ATP9A: variants seen among roughly 807,000 people sequenced by gnomAD.
ATP9A encodes probable phospholipid-transporting ATPase IIA.
In ATP9A, 52 loss-of-function variants were observed where a neutral mutation model predicts 144.1. That is an observed-to-expected ratio of 0.36 (90% confidence interval 0.29 to 0.45). The LOEUF is 0.45. Among genes scored for constraint, ATP9A ranks in the 20% least tolerant of loss-of-function variants. The pLI is 1.00. For synonymous variants in ATP9A, 582 were observed against 557.4 expected (o/e 1.04, Z -0.62); for missense variants, 947 against 1,392.7 (o/e 0.68, Z 5.09).
intron 14 of ATP9A, among the ~76,000 whole-genome samples, chr20:51,641,994 C>T (rs949918698): frequency 7.1e-6 from 1 of 140,926 alleles, no homozygotes; most frequent in African/African-American, 2.6e-5. Flanking sequence ...GTGGGAGGGC[C>T]TTCCTTTTCT....
chr20:51,748,974 A>ACAG (rs2077820247), intron 1 of ATP9A, among the ~76,000 whole-genome samples: 1 of 62,084 alleles, frequency 1.6e-5, no homozygotes, highest in Non-Finnish European at 3.6e-5. Flanking sequence ...CAGACAGACA[A>ACAG]ATAAAATGGA....
intron 7 of ATP9A, among the ~76,000 whole-genome samples, 161 bp from the exon 8 acceptor site, chr20:51,690,980 G>GTT (rs899400300): frequency 1.2e-4 from 18 of 152,274 alleles, no homozygotes; most frequent in African/African-American, 4.3e-4. Context: ...CCTCTGTTAA[G>GTT]TAAGTTGAGG....
At chr20:51,669,717 C>T (rs2077447949) in intron 13 of ATP9A, among the ~76,000 whole-genome samples, 1 of 152,200 alleles carries the variant, frequency 6.6e-6, no homozygotes, top group Admixed American at 6.5e-5. Context: ...GGAAGGACCC[C>T]AAATGCAATT....
In ATP9A at chr20:51,658,894, G is replaced by T. The variant is rs61207763; in HGVS notation, c.1294-1744C>A. On this transcript the variant is annotated intron_variant, in intron 13 of 27. Transcript: ENST00000338821. ...TGAAAATTAAGACCACTGGCGGGGG[G>T]GGGGGGGGGAAGGCTCATTGTTGAA... Among the ~76,000 whole-genome samples the T allele has an allele frequency of 2.4e-4, 27 of 112,390 alleles. 5 individuals carry two copies. Among genetic ancestry groups the T allele is most frequent in the Non-Finnish European group, 2.1e-4 (11 of 51,912 alleles). 73.7% of individuals were successfully genotyped at this position (112,390 alleles called of 152,430 possible).
intron 22 of ATP9A, among the ~76,000 whole-genome samples, chr20:51,614,579 G>GC (rs2077195962): frequency 6.6e-6 from 1 of 152,244 alleles, no homozygotes; most frequent in Non-Finnish European, 1.5e-5. Context: ...GGGATTCCAG[G>GC]CATGAGCAGC....
chr20:51,736,584 G>A (rs955775021), intron 1 of ATP9A, among the ~76,000 whole-genome samples: 36 of 151,958 alleles, frequency 2.4e-4, no homozygotes, highest in African/African-American at 8.4e-4. Context: ...GAACTCCTGG[G>A]CTCAAGCTAT....
Position 51,674,142 on chromosome 20 carries a change from C to A in ATP9A, c.1037+11G>T. On this transcript the variant is annotated intron_variant, in intron 11 of 27. Transcript: ENST00000338821. ...TCACGGCAGCCAAACTCAAGCTCGTCGCCTGCTTACCTAATGGGGATGATG... is the reference window on the plus strand; with the variant it reads ...TCACGGCAGCCAAACTCAAGCTCGTAGCCTGCTTACCTAATGGGGATGATG... 6.2e-7 allele frequency: 1 copy of A among 1,612,840 alleles called. No individual in the cohort carries two copies. The highest frequency in any genetic ancestry group is 1.1e-5 in the South Asian group (1 of 90,962).
chr20:51,669,834 G>A (rs1318882923), intron 13 of ATP9A, among the ~76,000 whole-genome samples, 163 bp downstream of exon 13: 1 of 151,838 alleles, frequency 6.6e-6, no homozygotes, highest in Admixed American at 6.6e-5. Flanking sequence ...ACATAAAATC[G>A]ATTGCAGTGA....
chr20:51,602,134 C>T (rs1199396576), intron 27 of ATP9A, among the ~76,000 whole-genome samples: 2 of 151,950 alleles, frequency 1.3e-5, no homozygotes, highest in Non-Finnish European at 2.9e-5. Flanking sequence ...CAGAGAAAGG[C>T]TTAAGCTGAC....
At chr20:51,619,115 A>G in intron 19 of ATP9A, 72 bp from the exon 20 acceptor site, 1 of 1,377,270 alleles carries the variant, frequency 7.3e-7, no homozygotes, top group Non-Finnish European at 1.0e-6. Flanking sequence ...AGTGGCTTCC[A>G]GGAGCCCACA....
At chr20:51,688,575 G>C (rs769436542) in intron 9 of ATP9A, among the ~76,000 whole-genome samples, 5 of 151,756 alleles carry the variant, frequency 3.3e-5, no homozygotes, top group Non-Finnish European at 7.4e-5. Flanking sequence ...CTAGGTGACA[G>C]TGTAAGACCT....
chr20:51,753,363 AT>A (rs1474998561), intron 1 of ATP9A, among the ~76,000 whole-genome samples: 1 of 152,092 alleles, frequency 6.6e-6, no homozygotes, highest in Non-Finnish European at 1.5e-5. Flanking sequence ...AGGCAGGAGA[AT>A]CACTTGAACT....
At chr20:51,665,070 C>T (rs1040208236) in intron 13 of ATP9A, among the ~76,000 whole-genome samples, 3 of 147,876 alleles carry the variant, frequency 2.0e-5, no homozygotes, top group African/African-American at 7.5e-5. Context: ...TATTCAGCTA[C>T]AAAGAGGAAT....
chr20:51,749,289 G>T (rs1021662987), intron 1 of ATP9A, among the ~76,000 whole-genome samples: 1 of 151,934 alleles, frequency 6.6e-6, no homozygotes, highest in Non-Finnish European at 1.5e-5. Flanking sequence ...TTGAGACGGA[G>T]TCTCACTCCG....
At chr20:51,640,635 G>A (rs974749415) in intron 14 of ATP9A, among the ~76,000 whole-genome samples, 5 of 152,318 alleles carry the variant, frequency 3.3e-5, no homozygotes, top group East Asian at 1.9e-4. Flanking sequence ...GTCATCGCAC[G>A]GGTGTCAAGT....
At chr20:51,692,474 T>C (rs1244693471) in intron 7 of ATP9A, among the ~76,000 whole-genome samples, 1 of 152,076 alleles carries the variant, frequency 6.6e-6, no homozygotes, top group African/African-American at 2.4e-5. Context: ...GCAGCCACCA[T>C]CACGTGAAGT....
chr20:51,629,625 C>A (rs1317094489), intron 15 of ATP9A, among the ~76,000 whole-genome samples: 1 of 152,202 alleles, frequency 6.6e-6, no homozygotes, highest in Non-Finnish European at 1.5e-5. Flanking sequence ...GCAAATGTCT[C>A]CTGGGGGCAA....
At position 51,657,019 on chromosome 20, in the gene ATP9A, G is replaced by T; in HGVS notation, c.1425C>A (p.Ser475=). The T allele has an allele frequency of 6.2e-7, 1 of 1,614,216 alleles. No individual in the cohort carries two copies. Among genetic ancestry groups the T allele is most frequent in the African/African-American group, 1.3e-5 (1 of 75,056 alleles). The change falls in exon 14 of 28, where the codon TCC becomes TCA. Residue 475 remains serine (S), a synonymous_variant. Transcript: ENST00000338821. ...LCHNVTPVYE[S]NGVTDQAEAE... ...CCTCAGCCTGATCAGTCACACCGTT[G>T]GACTCATACACGGGAGTCACGTTGT... is the stretch of plus-strand genomic sequence containing the variant.
chr20:51,680,687 G>A (rs983456824), intron 9 of ATP9A, among the ~76,000 whole-genome samples: 3 of 152,060 alleles, frequency 2.0e-5, no homozygotes, highest in Non-Finnish European at 4.4e-5. Flanking sequence ...AGCCTATAGG[G>A]AACACAGAAG....
Sources: gnomAD v4.1 joint callset for allele counts (sites outside exome capture counted in the v4.1 genomes callset) on GRCh38, gnomAD v4.1.1 for gene constraint, MANE v1.5 for transcripts, NCBI Gene and HGNC (gene_info 2026-07-23, HGNC 2026-07-21) for gene names.